Variants in LPP observed in about 807,000 individuals in gnomAD.
The protein encoded by LPP is lipoma-preferred partner.
Under a neutral mutation model 60.4 loss-of-function variants are expected in LPP, and 38 were observed. That is an observed-to-expected ratio of 0.63 (90% CI 0.49 to 0.83). The LOEUF is 0.83. Among genes scored for constraint, LPP ranks in the 40% least tolerant of loss-of-function variants. The pLI, the probability that LPP is intolerant of heterozygous loss-of-function variation, is 0.00. For missense variants in LPP, 902 were observed against 783.6 expected (o/e 1.15, Z -1.80); for synonymous variants, 328 against 290.8 (o/e 1.13, Z -1.30).
At chr3:188,839,893 T>A (rs114700139) in intron 9 of LPP, among the ~76,000 whole-genome samples, 1,785 of 152,116 alleles carry the variant, frequency 0.012, 17 homozygotes, top group Non-Finnish European at 0.018. Context: ...AAAATAAAAT[T>A]AAATTAAATT....
At chr3:188,411,167 G>GA (rs1784804917) in intron 4 of LPP, among the ~76,000 whole-genome samples, 1 of 151,892 alleles carries the variant, frequency 6.6e-6, no homozygotes, top group Non-Finnish European at 1.5e-5. Context: ...ATAATCATAT[G>GA]AAAAAATGCT....
At chr3:188,386,957 G>C (rs1232204180) in intron 3 of LPP, among the ~76,000 whole-genome samples, 1 of 152,092 alleles carries the variant, frequency 6.6e-6, no homozygotes, top group African/African-American at 2.4e-5. Flanking sequence ...AAAATGCTGT[G>C]TAGAAAAGAA....
chr3:188,488,784 C>G (rs1249563261), intron 5 of LPP, among the ~76,000 whole-genome samples: 1 of 151,926 alleles, frequency 6.6e-6, no homozygotes, highest in Admixed American at 6.5e-5. Context: ...CTACAGGCAC[C>G]CACCACCACG....
chr3:188,401,088 T>TA (rs1782128864), intron 3 of LPP, among the ~76,000 whole-genome samples: 1 of 152,168 alleles, frequency 6.6e-6, no homozygotes, highest in African/African-American at 2.4e-5. Context: ...AGGTCACACT[T>TA]GTATAGCTGA....
At position 188,182,167 on chromosome 3, in the gene LPP, G is replaced by A. The variant is rs1019575702; in HGVS notation, c.-190+27915G>A. ...GATGCTCAGCAAATCTGTGTGGAAC[G>A]ATTGCCTTAGGCTGCAAGTTTATCC... On this transcript the variant is annotated intron_variant, in intron 1 of 11. Coordinates refer to ENST00000617246, the MANE Select transcript of LPP (RefSeq NM_001375462.1). The surrounding 1 kb of genome is among the most constrained non-coding windows in gnomAD (Gnocchi z 4.4). Among the ~76,000 whole-genome samples the A allele has an allele frequency of 6.6e-5, 10 of 152,164 alleles. No individual in the cohort carries two copies. The highest frequency in any genetic ancestry group is 4.6e-4 in the Admixed American group (7 of 15,280).
At position 188,877,995 on chromosome 3, in the gene LPP, G is replaced by A. The variant is rs1405721171; in HGVS notation, c.*3516G>A. On this transcript the variant is annotated 3_prime_UTR_variant, in exon 12 of 12. Transcript: ENST00000617246. Reference sequence around the variant, plus strand: ...GATTCCACAGAGATGTTTATGGTGAGGTTTAAAGGATATGAAACTCTACAT... The same window carrying A: ...GATTCCACAGAGATGTTTATGGTGAAGTTTAAAGGATATGAAACTCTACAT... 1 of 216,280 alleles carries A rather than the reference G, an allele frequency of 4.6e-6. No individual in the cohort carries two copies. The highest frequency in any genetic ancestry group is 9.3e-6 in the Non-Finnish European group (1 of 107,202). 13.4% of individuals were successfully genotyped at this position (216,280 alleles called of 1,614,324 possible).
At chr3:188,271,114 C>T (rs1737587075) in intron 2 of LPP, among the ~76,000 whole-genome samples, 1 of 152,118 alleles carries the variant, frequency 6.6e-6, no homozygotes, top group South Asian at 2.1e-4. Flanking sequence ...CTTAAAAAGA[C>T]AAAAACAAAA....
In LPP at chr3:188,168,928, A is replaced by T. The variant is rs151329035; in HGVS notation, c.-190+14676A>T. Among the ~76,000 whole-genome samples, 1,040 of 152,350 alleles carry T rather than the reference A, an allele frequency of 6.8e-3. 11 individuals carry two copies. The highest frequency in any genetic ancestry group is 0.012 in the Non-Finnish European group (812 of 68,030). On this transcript the variant is annotated intron_variant, in intron 1 of 11. Transcript: ENST00000617246. ...CTTATTAAGTCTAAATTAGATACAG[A>T]CAAGTCTTGTTTATCCCCATCAGTT...
intron 4 of LPP, among the ~76,000 whole-genome samples, chr3:188,430,666 C>T (rs1008785310): frequency 6.6e-6 from 1 of 152,150 alleles, no homozygotes; most frequent in African/African-American, 2.4e-5. Flanking sequence ...CCTTAGACAT[C>T]TGGAGAAGCA....
intron 4 of LPP, among the ~76,000 whole-genome samples, chr3:188,469,648 T>G (rs1410849046): frequency 6.6e-6 from 1 of 152,144 alleles, no homozygotes; most frequent in Admixed American, 6.5e-5. Context: ...TTATTTGGCT[T>G]CTAGGACTTT....
intron 2 of LPP, among the ~76,000 whole-genome samples, chr3:188,311,174 A>T (rs1753273405): frequency 6.6e-6 from 1 of 150,430 alleles, no homozygotes; most frequent in Non-Finnish European, 1.5e-5. Context: ...CTTATTTTCT[A>T]ATTATTTTAT....
At chr3:188,154,769 C>T (rs892410608) in intron 1 of LPP, among the ~76,000 whole-genome samples, 2 of 152,152 alleles carry the variant, frequency 1.3e-5, no homozygotes, top group African/African-American at 4.8e-5. Flanking sequence ...TGTGGCAGAC[C>T]CTGTGCTGGG....
chr3:188,523,354 G>A (rs1415363884), intron 5 of LPP, among the ~76,000 whole-genome samples: 1 of 152,122 alleles, frequency 6.6e-6, no homozygotes, highest in African/African-American at 2.4e-5. Context: ...ATTAACTCAA[G>A]CTGACTAAGT....
intron 7 of LPP, among the ~76,000 whole-genome samples, chr3:188,638,722 CA>C (rs1368852920): frequency 6.9e-6 from 1 of 143,892 alleles, no homozygotes; most frequent in Non-Finnish European, 1.5e-5. Context: ...ACACCAACAA[CA>C]GACAAACAGA....
At chr3:188,775,251 C>T (rs1248143797) in intron 9 of LPP, among the ~76,000 whole-genome samples, 5 of 152,070 alleles carry the variant, frequency 3.3e-5, no homozygotes, top group African/African-American at 9.7e-5. Context: ...CGGGGTTTCA[C>T]CATGTTGGCC....
intron 6 of LPP, among the ~76,000 whole-genome samples, chr3:188,529,435 T>C (rs1256143896): frequency 6.6e-6 from 1 of 152,242 alleles, no homozygotes; most frequent in Non-Finnish European, 1.5e-5. Flanking sequence ...TTTGAATCCA[T>C]GTCTCTATCA....
intron 6 of LPP, among the ~76,000 whole-genome samples, chr3:188,540,470 G>C (rs968783770): frequency 1.3e-5 from 2 of 152,220 alleles, no homozygotes; most frequent in Admixed American, 6.5e-5. Flanking sequence ...AATTCATTGT[G>C]CTCAGGATAA....
intron 7 of LPP, among the ~76,000 whole-genome samples, chr3:188,641,575 G>A (rs181178227): frequency 1.2e-4 from 18 of 152,240 alleles, no homozygotes; most frequent in African/African-American, 4.1e-4. Context: ...GAATAGAAGT[G>A]GTCTAATCGG....
At chr3:188,282,292 C>T (rs1742382833) in intron 2 of LPP, among the ~76,000 whole-genome samples, 1 of 152,134 alleles carries the variant, frequency 6.6e-6, no homozygotes, top group Non-Finnish European at 1.5e-5. Context: ...TTGTCAGGTT[C>T]CTGCTGATAT....
Sources: allele counts gnomAD v4.1 joint callset (sites outside exome capture counted in the v4.1 genomes callset), GRCh38; gene constraint gnomAD v4.1.1; non-coding constraint Gnocchi (gnomAD v3.1); transcripts MANE v1.5; gene names NCBI Gene and HGNC (gene_info 2026-07-23, HGNC 2026-07-21).